The following DYRK1A variants were observed in gnomAD, a reference collection of about 807,000 sequenced individuals.
The protein encoded by DYRK1A is dual specificity tyrosine-phosphorylation-regulated kinase 1A.
In DYRK1A, 9 loss-of-function variants were observed where a neutral mutation model predicts 79.7. That is an observed-to-expected ratio of 0.11 (90% CI 0.07 to 0.20). DYRK1A has a LOEUF of 0.20. Ranked by LOEUF, DYRK1A falls within the 10% of genes least tolerant of loss-of-function variation. The pLI is 1.00. For missense variants in DYRK1A, 622 were observed against 956.0 expected (o/e 0.65, Z 4.61); for synonymous variants, 349 against 329.7 (o/e 1.06, Z -0.63).
chr21:37,466,982 T>C (rs781425870), intron 2 of DYRK1A, among the ~76,000 whole-genome samples: 21 of 151,834 alleles, frequency 1.4e-4, no homozygotes, highest in Non-Finnish European at 2.5e-4. Context: ...GATGAAGTTA[T>C]ACTATTAGAA....
chr21:37,423,309 C>T (rs2050526854), intron 2 of DYRK1A, among the ~76,000 whole-genome samples: 1 of 152,084 alleles, frequency 6.6e-6, no homozygotes. Flanking sequence ...CCCGCATATT[C>T]CCTCCTCCTC....
intron 2 of DYRK1A, among the ~76,000 whole-genome samples, chr21:37,466,625 A>G (rs2052033999): frequency 6.6e-6 from 1 of 152,178 alleles, no homozygotes; most frequent in Admixed American, 6.5e-5. Context: ...TCAGACTGAT[A>G]ACAGATAAAG....
intron 4 of DYRK1A, among the ~76,000 whole-genome samples, chr21:37,479,619 G>GTTTTTGTTTTTGTTTTTTTTTT (rs2052550822): frequency 4.1e-5 from 3 of 73,924 alleles, no homozygotes; most frequent in East Asian, 1.3e-3. Context: ...TTTGTTTTTT[G>GTTTTTGTTTTTGTTTTTTTTTT]TTTTTTTTTT....
At chr21:37,407,676 G>T (rs1218725457) in intron 1 of DYRK1A, among the ~76,000 whole-genome samples, 2 of 152,198 alleles carry the variant, frequency 1.3e-5, no homozygotes, top group African/African-American at 4.8e-5. Flanking sequence ...GTGTTAAATT[G>T]TATAATTCAT....
intron 1 of DYRK1A, among the ~76,000 whole-genome samples, chr21:37,375,394 A>G (rs1265114017): frequency 1.3e-5 from 2 of 152,108 alleles, no homozygotes; most frequent in Admixed American, 6.6e-5. Flanking sequence ...TTGTCCTCAA[A>G]TTACTACTTT....
intron 11 of DYRK1A, among the ~76,000 whole-genome samples, chr21:37,511,587 A>G (rs966533641): frequency 2.0e-5 from 3 of 152,234 alleles, no homozygotes; most frequent in Non-Finnish European, 4.4e-5. Context: ...GGACCTGCCC[A>G]GAATACTGTC....
chr21:37,442,765 G>A (rs1392194104), intron 2 of DYRK1A, among the ~76,000 whole-genome samples: 3 of 151,922 alleles, frequency 2.0e-5, no homozygotes, highest in Non-Finnish European at 2.9e-5. Flanking sequence ...AGTTCAATTT[G>A]GGTGTCTTAA....
At chr21:37,416,349 CTG>C (rs1182741169) in intron 1 of DYRK1A, among the ~76,000 whole-genome samples, 5 of 99,754 alleles carry the variant, frequency 5.0e-5, no homozygotes, top group South Asian at 3.2e-4. Context: ...AAGACTGTGA[CTG>C]TTTTCTAGGG....
chr21:37,502,424 A>C (rs1024389072), intron 9 of DYRK1A: 6 of 151,632 alleles, frequency 4.0e-5, no homozygotes, highest in Non-Finnish European at 7.4e-5. Flanking sequence ...TTATTCCTCT[A>C]TGTGTCATGT....
At chr21:37,417,529 C>CTTTTTTTTTTTTTTTTTTTTTTTT (rs3216074) in intron 1 of DYRK1A, among the ~76,000 whole-genome samples, 4 of 44,046 alleles carry the variant, frequency 9.1e-5, no homozygotes, top group East Asian at 1.3e-3. Flanking sequence ...TTTTCTTTTT[C>CTTTTTTTTTTTTTTTTTTTTTTTT]TTTTTTTTTT....
chr21:37,444,562 C>G (rs566550784), intron 2 of DYRK1A, among the ~76,000 whole-genome samples: 4 of 152,080 alleles, frequency 2.6e-5, no homozygotes, highest in Non-Finnish European at 4.4e-5. Context: ...GAGGTAAGAA[C>G]AGAAAAGATG....
intron 2 of DYRK1A, among the ~76,000 whole-genome samples, chr21:37,471,178 T>G (rs1287995229): frequency 6.6e-6 from 1 of 152,182 alleles, no homozygotes; most frequent in African/African-American, 2.4e-5. Flanking sequence ...GGAATCTGTT[T>G]TGGTAATCTT....
intron 1 of DYRK1A, among the ~76,000 whole-genome samples, chr21:37,394,766 A>T (rs1006732152): frequency 3.9e-5 from 6 of 152,210 alleles, no homozygotes; most frequent in Admixed American, 3.9e-4. Flanking sequence ...ATTGTCTTCC[A>T]CAAAAGTAGT....
chr21:37,403,183 C>T (rs767006070), intron 1 of DYRK1A, among the ~76,000 whole-genome samples: 1 of 151,828 alleles, frequency 6.6e-6, no homozygotes. Flanking sequence ...TTATGTTATT[C>T]ATTTTTAGAG....
intron 2 of DYRK1A, among the ~76,000 whole-genome samples, chr21:37,452,795 T>A (rs2051502831): frequency 7.0e-6 from 1 of 142,870 alleles, no homozygotes; most frequent in South Asian, 2.5e-4. Flanking sequence ...GATTCTTCTG[T>A]GCCCAGCAAA....
chr21:37,511,854 A>T, intron 11 of DYRK1A, 57 bp from the exon 12 acceptor site: 1 of 1,557,898 alleles, frequency 6.4e-7, no homozygotes. Flanking sequence ...TTTTGATGGA[A>T]GATTAAAGCT....
intron 1 of DYRK1A, among the ~76,000 whole-genome samples, chr21:37,390,467 CTAA>C (rs1262805441): frequency 1.3e-5 from 2 of 152,222 alleles, no homozygotes; most frequent in Non-Finnish European, 2.9e-5. Flanking sequence ...TTACTGCTAT[CTAA>C]TCCATATGAC....
At chr21:37,450,087 C>T (rs1360589158) in intron 2 of DYRK1A, among the ~76,000 whole-genome samples, 2 of 152,170 alleles carry the variant, frequency 1.3e-5, no homozygotes, top group African/African-American at 4.8e-5. Flanking sequence ...TTTCCTGCCT[C>T]CACTGTGGAT....
intron 1 of DYRK1A, among the ~76,000 whole-genome samples, chr21:37,369,567 CTTG>C (rs756589980): frequency 6.6e-5 from 10 of 152,238 alleles, no homozygotes; most frequent in African/African-American, 1.7e-4. Flanking sequence ...ACCTAGTTCT[CTTG>C]TTAAGACTAG....
Sources: allele counts gnomAD v4.1 joint callset (sites outside exome capture counted in the v4.1 genomes callset), GRCh38; gene constraint gnomAD v4.1.1; transcripts MANE v1.5; gene names NCBI Gene and HGNC (gene_info 2026-07-23, HGNC 2026-07-21).